Variants in KIAA0825 observed in about 807,000 individuals in gnomAD.
The protein encoded by KIAA0825 is uncharacterized protein KIAA0825.
In KIAA0825, 119 loss-of-function variants were observed where a neutral mutation model predicts 147.6. The ratio of observed to expected loss-of-function variants is 0.81; its 90% CI spans 0.69 to 0.94. KIAA0825 has a LOEUF of 0.94. KIAA0825 is among the 40% of genes least tolerant of loss of function. The pLI is 0.00. For missense variants in KIAA0825, 1,381 were observed against 1,472.7 expected (o/e 0.94, Z 1.02); for synonymous variants, 470 against 518.1 (o/e 0.91, Z 1.26).
intron 10 of KIAA0825, 108 bp from the exon 11 acceptor site, chr5:94,465,167 T>C: frequency 3.0e-6 from 3 of 989,700 alleles, no homozygotes; most frequent in Non-Finnish European, 4.3e-6. Flanking sequence ...CTAAAGAGTT[T>C]GACACACTAG....
chr5:94,604,306 C>T (rs1362601545), intron 1 of KIAA0825, among the ~76,000 whole-genome samples: 1 of 152,202 alleles, frequency 6.6e-6, no homozygotes, highest in African/African-American at 2.4e-5. Context: ...AATCCCAGCA[C>T]TTTGGGAGGC....
intron 20 of KIAA0825, among the ~76,000 whole-genome samples, chr5:94,332,727 TC>T: frequency 6.6e-6 from 1 of 152,308 alleles, no homozygotes. Context: ...TGATTTATAA[TC>T]CTTTGGGTAT....
At chr5:94,345,015 C>A (rs1462062045) in intron 20 of KIAA0825, among the ~76,000 whole-genome samples, 1 of 151,918 alleles carries the variant, frequency 6.6e-6, no homozygotes, top group Non-Finnish European at 1.5e-5. Flanking sequence ...TGTGAATATA[C>A]TTAATGCTGC....
chr5:94,568,229 C>A (rs558035799), intron 2 of KIAA0825: 1 of 159,106 alleles, frequency 6.3e-6, no homozygotes, highest in Non-Finnish European at 1.4e-5. Flanking sequence ...CAAAATTATA[C>A]CCCTCACTTC....
chr5:94,613,831 C>T (rs769918210), intron 1 of KIAA0825, among the ~76,000 whole-genome samples: 4 of 152,196 alleles, frequency 2.6e-5, no homozygotes, highest in East Asian at 1.9e-4. Flanking sequence ...AGGAGGACAA[C>T]GAGGTGAGAG....
At chr5:94,435,521 A>G (rs377264911) in intron 14 of KIAA0825, among the ~76,000 whole-genome samples, 8 of 152,084 alleles carry the variant, frequency 5.3e-5, no homozygotes, top group East Asian at 1.9e-4. Flanking sequence ...CCAGTCTATC[A>G]TTGATGGGCA....
At chr5:94,594,624 A>T (rs1263604553) in intron 1 of KIAA0825, 1 of 654,044 alleles carries the variant, frequency 1.5e-6, no homozygotes, top group East Asian at 2.9e-5. Flanking sequence ...TTGTAGAAAT[A>T]TCCTTCACAT....
intron 12 of KIAA0825, among the ~76,000 whole-genome samples, chr5:94,459,801 T>G (rs1759578997): frequency 6.6e-6 from 1 of 152,098 alleles, no homozygotes; most frequent in Non-Finnish European, 1.5e-5. Flanking sequence ...ATATAAAACA[T>G]CAAAACATTC....
At chr5:94,410,290 T>A in intron 15 of KIAA0825, among the ~76,000 whole-genome samples, 1 of 142,572 alleles carries the variant, frequency 7.0e-6, no homozygotes, top group African/African-American at 2.6e-5. Flanking sequence ...ACAAAAACAA[T>A]ACAAAAAAAC....
In KIAA0825 at chr5:94,520,670, T is replaced by C; in HGVS notation, c.548A>G (p.Asn183Ser). Reference protein sequence around the residue: ...VSKLQSHNEINNSQQKILLKK... With the variant: ...VSKLQSHNEISNSQQKILLKK... ...CAATAAAATTTTTTGCTGTGAATTG[T>C]TTATTTCATTATGGCTTTGTAATTT... The change falls in exon 5 of 21, where the codon AAC (asparagine) becomes AGC (serine). Residue 183 changes from asparagine (N) to serine (S), a missense_variant. Transcript: ENST00000682413. The C allele has an allele frequency of 1.9e-6, 3 of 1,613,428 alleles. No individual in the cohort carries two copies. The highest frequency in any genetic ancestry group is 2.5e-6 in the Non-Finnish European group (3 of 1,179,478).
At chr5:94,435,920 C>T (rs1756311174) in intron 14 of KIAA0825, among the ~76,000 whole-genome samples, 2 of 151,956 alleles carry the variant, frequency 1.3e-5, no homozygotes, top group Non-Finnish European at 2.9e-5. Flanking sequence ...GCATGTATAT[C>T]TTCTTTTGAG....
intron 2 of KIAA0825, among the ~76,000 whole-genome samples, chr5:94,539,420 G>A (rs1772816767): frequency 3.3e-5 from 5 of 152,128 alleles, no homozygotes; most frequent in Admixed American, 3.3e-4. Context: ...CTCTGTTGGG[G>A]TCTGGATCAG....
At chr5:94,532,311 T>C (rs1404210316) in intron 3 of KIAA0825, among the ~76,000 whole-genome samples, 1 of 151,778 alleles carries the variant, frequency 6.6e-6, no homozygotes, top group African/African-American at 2.4e-5. Flanking sequence ...CCACACCAGC[T>C]AATTTTTGTT....
chr5:94,479,108 T>C (rs1762212786), intron 6 of KIAA0825, among the ~76,000 whole-genome samples: 3 of 152,092 alleles, frequency 2.0e-5, no homozygotes, highest in Admixed American at 1.3e-4. Flanking sequence ...ATTAACTAAG[T>C]CTACAGTTTA....
chr5:94,369,186 AG>A (rs1746304501), intron 20 of KIAA0825, among the ~76,000 whole-genome samples: 1 of 152,076 alleles, frequency 6.6e-6, no homozygotes, highest in African/African-American at 2.4e-5. Context: ...AATATTATTA[AG>A]GGGAAAAAAA....
chr5:94,191,656 TG>T (rs1770689383), intron 20 of KIAA0825, among the ~76,000 whole-genome samples: 1 of 152,246 alleles, frequency 6.6e-6, no homozygotes, highest in Middle Eastern at 3.2e-3. Flanking sequence ...TGTAAGTTTT[TG>T]TAAGAATTAA....
chr5:94,409,684 G>A (rs1752507899), intron 15 of KIAA0825, among the ~76,000 whole-genome samples: 1 of 152,178 alleles, frequency 6.6e-6, no homozygotes, highest in South Asian at 2.1e-4. Context: ...GATTGGCAAA[G>A]TCTAAGTTCA....
At chr5:94,178,497 G>A (rs1304485463) in intron 20 of KIAA0825, among the ~76,000 whole-genome samples, 1 of 151,826 alleles carries the variant, frequency 6.6e-6, no homozygotes, top group Non-Finnish European at 1.5e-5. Context: ...GATTTTCTTA[G>A]AAATGGGTTC....
intron 20 of KIAA0825, among the ~76,000 whole-genome samples, chr5:94,206,632 G>T (rs1013773050): frequency 3.3e-5 from 5 of 152,134 alleles, no homozygotes; most frequent in African/African-American, 1.2e-4. Flanking sequence ...CTTGTATCAT[G>T]AATATTATGA....
Sources: allele counts gnomAD v4.1 joint callset (sites outside exome capture counted in the v4.1 genomes callset), GRCh38; gene constraint gnomAD v4.1.1; transcripts MANE v1.5; gene names NCBI Gene and HGNC (gene_info 2026-07-23, HGNC 2026-07-21).